Variants in RANBP2 observed in about 807,000 individuals in gnomAD.
The protein encoded by RANBP2 is RAN binding protein 2, also known as E3 SUMO-protein ligase RanBP2.
Under a neutral mutation model 303.6 loss-of-function variants are expected in RANBP2, and 57 were observed. The ratio of observed to expected loss-of-function variants is 0.19; its 90% CI spans 0.15 to 0.23. The LOEUF is 0.23. Ranked by LOEUF, RANBP2 falls within the 10% of genes least tolerant of loss-of-function variation. The pLI is 1.00. For synonymous variants in RANBP2, 1,167 were observed against 1,301.5 expected (o/e 0.90, Z 2.23); for missense variants, 3,138 against 3,780.8 (o/e 0.83, Z 4.46).
the RANBP2 span, among the ~76,000 whole-genome samples, chr2:109,346,624 C>CT: frequency 0.49 from 73,739 of 151,716 alleles, 18,475 homozygotes; most frequent in East Asian, 0.84. Context: ...GCCAGATGGA[C>CT]TTGATGAGAC....
the RANBP2 span, among the ~76,000 whole-genome samples, chr2:109,293,208 A>G: frequency 0.033 from 5,008 of 152,264 alleles, 142 homozygotes; most frequent in Non-Finnish European, 0.048. Flanking sequence ...CTGCAGACAG[A>G]CTCAACTGCC....
the RANBP2 span, among the ~76,000 whole-genome samples, chr2:109,004,220 G>A: frequency 1.3e-5 from 2 of 152,212 alleles, no homozygotes; most frequent in Admixed American, 6.5e-5. Flanking sequence ...GAACTGAAGG[G>A]ATGACCTTAG....
the RANBP2 span, among the ~76,000 whole-genome samples, chr2:108,841,551 T>C: frequency 6.6e-6 from 1 of 152,232 alleles, no homozygotes; most frequent in Admixed American, 6.5e-5. Context: ...CTGATACTAA[T>C]ATAGAGACTT....
the RANBP2 span, among the ~76,000 whole-genome samples, chr2:109,628,914 T>C: frequency 6.6e-6 from 1 of 152,082 alleles, no homozygotes; most frequent in Non-Finnish European, 1.5e-5. Flanking sequence ...ATTTAAAATG[T>C]CTAACTAGGC....
the RANBP2 span, chr2:109,593,200 G>T: frequency 1.2e-6 from 1 of 860,856 alleles, no homozygotes; most frequent in Non-Finnish European, 1.8e-6. Context: ...ATATTTACAT[G>T]AATAAGGTGT....
the RANBP2 span, among the ~76,000 whole-genome samples, chr2:109,005,664 G>A: frequency 6.6e-6 from 1 of 152,118 alleles, no homozygotes; most frequent in Non-Finnish European, 1.5e-5. Context: ...ATTAAACTGC[G>A]GGCACACAGC....
chr2:109,354,631 T>C, the RANBP2 span, among the ~76,000 whole-genome samples: 1 of 152,236 alleles, frequency 6.6e-6, no homozygotes, highest in South Asian at 2.1e-4. Flanking sequence ...AGCTGCGATA[T>C]TTGCCAAGAT....
chr2:108,843,890 T>C, the RANBP2 span, among the ~76,000 whole-genome samples: 169 of 130,138 alleles, frequency 1.3e-3, 1 homozygote, highest in African/African-American at 4.7e-3. Flanking sequence ...TTCTTTCTTT[T>C]TTTTTTTTTT....
chr2:109,681,516 T>C, the RANBP2 span, among the ~76,000 whole-genome samples: 1 of 151,954 alleles, frequency 6.6e-6, no homozygotes, highest in African/African-American at 2.4e-5. Context: ...CATTGAAAAA[T>C]AGAGGAGGAA....
chr2:109,318,680 T>G, the RANBP2 span, among the ~76,000 whole-genome samples: 1 of 152,030 alleles, frequency 6.6e-6, no homozygotes, highest in Admixed American at 6.6e-5. Context: ...GCCAGAATGG[T>G]CTCTCAGATC....
chr2:109,613,207 C>G, the RANBP2 span: 2 of 1,283,058 alleles, frequency 1.6e-6, no homozygotes, highest in South Asian at 2.5e-5. Context: ...TACTAACAAG[C>G]GAGATAAATC....
At chr2:109,424,020 C>A in the RANBP2 span, among the ~76,000 whole-genome samples, 1 of 152,200 alleles carries the variant, frequency 6.6e-6, no homozygotes, top group South Asian at 2.1e-4. Context: ...GGGCCGGTTG[C>A]AGTGGAGGGA....
At chr2:109,108,295 T>C in the RANBP2 span, among the ~76,000 whole-genome samples, 3 of 152,194 alleles carry the variant, frequency 2.0e-5, no homozygotes, top group African/African-American at 7.2e-5. Flanking sequence ...TGCCTCAGCC[T>C]CCCAAAGTGC....
the RANBP2 span, among the ~76,000 whole-genome samples, chr2:109,420,674 T>C: frequency 4.6e-5 from 7 of 152,190 alleles, no homozygotes; most frequent in African/African-American, 1.4e-4. Context: ...CTCGATCTCC[T>C]GATCTCGTGA....
chr2:109,701,732 TACTC>T, the RANBP2 span, among the ~76,000 whole-genome samples: 1 of 152,210 alleles, frequency 6.6e-6, no homozygotes, highest in Non-Finnish European at 1.5e-5. Flanking sequence ...GTAGCTATCT[TACTC>T]AGGAATAAAA....
At chr2:109,029,698 C>T in the RANBP2 span, among the ~76,000 whole-genome samples, 1 of 152,184 alleles carries the variant, frequency 6.6e-6, no homozygotes, top group Non-Finnish European at 1.5e-5. Flanking sequence ...CTCCTCTGTT[C>T]CCCTCTCCTT....
chr2:109,723,311 C>T, the RANBP2 span, among the ~76,000 whole-genome samples: 9 of 152,060 alleles, frequency 5.9e-5, no homozygotes, highest in South Asian at 2.1e-4. Flanking sequence ...GCCACACGCC[C>T]GGCTAATTTT....
the RANBP2 span, among the ~76,000 whole-genome samples, chr2:108,813,347 C>A: frequency 6.8e-6 from 1 of 146,926 alleles, no homozygotes; most frequent in Non-Finnish European, 1.5e-5. Context: ...AGCAAACATT[C>A]TTTTTGGAAT....
chr2:108,779,463 C>A (rs759868849), intron 25 of RANBP2, among the ~76,000 whole-genome samples: 4 of 152,214 alleles, frequency 2.6e-5, no homozygotes, highest in Non-Finnish European at 5.9e-5. Context: ...CCACACCCGG[C>A]CCTCTCTCCT....
Sources: gnomAD v4.1 joint callset for allele counts (sites outside exome capture counted in the v4.1 genomes callset) on GRCh38, gnomAD v4.1.1 for gene constraint, MANE v1.5 for transcripts, NCBI Gene and HGNC (gene_info 2026-07-23, HGNC 2026-07-21) for gene names.